TAFA2: variants seen among roughly 807,000 people sequenced by gnomAD.
TAFA2 encodes the protein chemokine-like protein TAFA-2.
TAFA2 carries 7 observed loss-of-function variants against 18.8 expected under a neutral mutation model. The ratio of observed to expected loss-of-function variants is 0.37; its 90% CI spans 0.21 to 0.70. The LOEUF (loss-of-function observed/expected upper bound fraction) is 0.70, where lower values mean the gene tolerates loss of function less well. TAFA2 is among the 30% of genes least tolerant of loss of function. TAFA2 has a pLI of 0.53. For synonymous variants in TAFA2, 60 were observed against 54.2 expected (o/e 1.11, Z -0.47); for missense variants, 122 against 158.1 (o/e 0.77, Z 1.23).
intron 1 of TAFA2, among the ~76,000 whole-genome samples, chr12:62,118,434 A>T (rs1870054887): frequency 6.6e-6 from 1 of 152,088 alleles, no homozygotes; most frequent in Non-Finnish European, 1.5e-5. Context: ...AATGATGTTA[A>T]CATCTTTACA....
intron 1 of TAFA2, among the ~76,000 whole-genome samples, chr12:62,147,729 C>CAAAA (rs10552283): frequency 2.6e-5 from 2 of 76,374 alleles, no homozygotes; most frequent in Non-Finnish European, 5.0e-5. Flanking sequence ...GACTCTGTCT[C>CAAAA]AAAAAAAAAA....
intron 2 of TAFA2, among the ~76,000 whole-genome samples, chr12:61,790,103 A>C (rs971288022): frequency 6.6e-6 from 1 of 151,766 alleles, no homozygotes; most frequent in Non-Finnish European, 1.5e-5. Context: ...ATTAACAGAA[A>C]GAAGGACAAA....
intron 1 of TAFA2, among the ~76,000 whole-genome samples, chr12:62,084,235 GCACAAAAC>G (rs1868371186): frequency 6.6e-6 from 1 of 152,222 alleles, no homozygotes; most frequent in African/African-American, 2.4e-5. Context: ...CTTTTTGAGA[GCACAAAAC>G]CACTTCCCAA....
intron 1 of TAFA2, among the ~76,000 whole-genome samples, chr12:62,077,253 A>G (rs1250836363): frequency 2.0e-5 from 3 of 152,228 alleles, no homozygotes; most frequent in Non-Finnish European, 4.4e-5. Flanking sequence ...AAGCTGAAAA[A>G]CATATAAACA....
chr12:62,015,819 T>C (rs1880918842), intron 1 of TAFA2, among the ~76,000 whole-genome samples: 1 of 152,162 alleles, frequency 6.6e-6, no homozygotes, highest in Admixed American at 6.5e-5. Flanking sequence ...ATCATGGAGT[T>C]ATAAAGCTGA....
chr12:61,759,853 G>A (rs935744343), intron 2 of TAFA2, among the ~76,000 whole-genome samples: 1 of 151,910 alleles, frequency 6.6e-6, no homozygotes, highest in Non-Finnish European at 1.5e-5. Context: ...AATGACATTG[G>A]GTAAGTTTGG....
intron 1 of TAFA2, among the ~76,000 whole-genome samples, chr12:62,150,575 C>T (rs904489958): frequency 1.3e-4 from 19 of 151,966 alleles, no homozygotes; most frequent in Non-Finnish European, 7.4e-5. Flanking sequence ...CTGTCAGTAC[C>T]ACACACATTG....
chr12:61,783,334 T>A (rs1870585770), intron 2 of TAFA2, among the ~76,000 whole-genome samples: 1 of 151,720 alleles, frequency 6.6e-6, no homozygotes, highest in Admixed American at 6.6e-5. Context: ...CGAATAGACT[T>A]TGACTTCACA....
chr12:61,787,191 G>A (rs1870775374), intron 2 of TAFA2, among the ~76,000 whole-genome samples: 1 of 151,250 alleles, frequency 6.6e-6, no homozygotes, highest in Non-Finnish European at 1.5e-5. Flanking sequence ...AAACCTGTTA[G>A]CCAAGAATAT....
intron 2 of TAFA2, among the ~76,000 whole-genome samples, chr12:61,790,255 T>C (rs1174878926): frequency 6.6e-6 from 1 of 151,540 alleles, no homozygotes; most frequent in Non-Finnish European, 1.5e-5. Context: ...AACCCACAGC[T>C]AACATCATAC....
intron 1 of TAFA2, among the ~76,000 whole-genome samples, chr12:61,936,545 G>T (rs190732423): frequency 6.6e-6 from 1 of 151,908 alleles, no homozygotes; most frequent in Non-Finnish European, 1.5e-5. Flanking sequence ...TCCAGCCTGG[G>T]TGACAGAATG....
chr12:62,142,234 G>C (rs544707862), intron 1 of TAFA2, among the ~76,000 whole-genome samples: 2 of 152,228 alleles, frequency 1.3e-5, no homozygotes, highest in East Asian at 3.9e-4. Flanking sequence ...ACCTGAGCCT[G>C]GTGTAGTGCC....
chr12:61,953,713 T>A (rs1878548367), intron 1 of TAFA2, among the ~76,000 whole-genome samples: 1 of 152,144 alleles, frequency 6.6e-6, no homozygotes, highest in African/African-American at 2.4e-5. Flanking sequence ...CCTCAGCATC[T>A]TCCCCAACCT....
intron 2 of TAFA2, among the ~76,000 whole-genome samples, chr12:61,847,168 T>G (rs1023588183): frequency 6.6e-6 from 1 of 152,250 alleles, no homozygotes; most frequent in Non-Finnish European, 1.5e-5. Flanking sequence ...TTTTCTGTAT[T>G]ATCTCTTCTG....
chr12:62,123,124 A>C (rs557602554), intron 1 of TAFA2, among the ~76,000 whole-genome samples: 1 of 152,248 alleles, frequency 6.6e-6, no homozygotes, highest in African/African-American at 2.4e-5. Flanking sequence ...GTATTTTACC[A>C]AATACGCTTA....
At chr12:62,101,199 T>G (rs1323899976) in intron 1 of TAFA2, among the ~76,000 whole-genome samples, 2 of 152,040 alleles carry the variant, frequency 1.3e-5, no homozygotes, top group African/African-American at 4.8e-5. Context: ...AACAGCTCCA[T>G]AGATTAGATT....
At chr12:62,055,349 A>T (rs1208918406) in intron 1 of TAFA2, among the ~76,000 whole-genome samples, 1 of 152,264 alleles carries the variant, frequency 6.6e-6, no homozygotes, top group Non-Finnish European at 1.5e-5. Context: ...AATACTAAAA[A>T]AATAAACCCC....
chr12:61,879,826 G>T, intron 1 of TAFA2: 2 of 1,396,920 alleles, frequency 1.4e-6, no homozygotes, highest in Non-Finnish European at 2.0e-6. Flanking sequence ...TTGGCAACAT[G>T]CAGGAGCTGG....
At chr12:61,839,812 C>A (rs1481645439) in intron 2 of TAFA2, among the ~76,000 whole-genome samples, 1 of 151,836 alleles carries the variant, frequency 6.6e-6, no homozygotes, top group Non-Finnish European at 1.5e-5. Context: ...GAAGTCCAAA[C>A]GCAATATACC....
Sources: gnomAD v4.1 joint callset for allele counts (sites outside exome capture counted in the v4.1 genomes callset) on GRCh38, gnomAD v4.1.1 for gene constraint, MANE v1.5 for transcripts, NCBI Gene and HGNC (gene_info 2026-07-23, HGNC 2026-07-21) for gene names.